The following TRAPPC11 variants were observed in gnomAD, a reference collection of about 807,000 sequenced individuals.
TRAPPC11 encodes trafficking protein particle complex subunit 11.
In TRAPPC11, 104 loss-of-function variants were observed where a neutral mutation model predicts 151.2. The observed-to-expected ratio is 0.69, with a 90% CI of 0.59 to 0.81. The LOEUF (loss-of-function observed/expected upper bound fraction) is 0.81, where lower values mean the gene tolerates loss of function less well. Ranked by LOEUF, TRAPPC11 falls within the 30% of genes least tolerant of loss-of-function variation. TRAPPC11 has a pLI of 0.00. For synonymous variants in TRAPPC11, 456 were observed against 472.3 expected (o/e 0.97, Z 0.45); for missense variants, 1,230 against 1,349.6 (o/e 0.91, Z 1.39).
intron 23 of TRAPPC11, among the ~76,000 whole-genome samples, chr4:183,695,632 G>T (rs190856334): frequency 6.6e-6 from 1 of 152,206 alleles, no homozygotes; most frequent in Admixed American, 6.5e-5. Context: ...TCTTGGTCCT[G>T]ACAGTAATGT....
chr4:183,704,785 T>C lies in TRAPPC11; in HGVS notation c.2964-194T>C, dbSNP rs576536429. ...CCGAGATCGCGCCACTGCACTCCAG[T>C]CTGGGCAACAGAGTGAGACTCTGTC... is the stretch of plus-strand genomic sequence containing the variant. On this transcript the variant is annotated intron_variant, in intron 26 of 29. Coordinates refer to ENST00000334690, the MANE Select transcript of TRAPPC11 (RefSeq NM_021942.6). Among the ~76,000 whole-genome samples, 367 of 152,060 alleles carry C rather than the reference T, an allele frequency of 2.4e-3. 1 individual carries two copies. The highest frequency in any genetic ancestry group is 8.3e-3 in the African/African-American group (345 of 41,476).
chr4:183,712,680 T>C lies in TRAPPC11; in HGVS notation c.*36T>C, dbSNP rs1260805118. 6.8e-6 allele frequency: 11 copies of C among 1,607,276 alleles called. No homozygotes were observed. Among genetic ancestry groups the C allele is most frequent in the Non-Finnish European group, 8.5e-6 (10 of 1,173,784 alleles). The stretch of plus-strand genomic sequence containing the variant: ...CGGCCCTTGGCTGTTGTTACAGAGA[T>C]GTTGGGCAGAGCTATGCAGGTGTTT... On this transcript the variant is annotated 3_prime_UTR_variant, in exon 30 of 30. Coordinates refer to ENST00000334690, the MANE Select transcript of TRAPPC11 (RefSeq NM_021942.6).
Position 183,682,900 on chromosome 4 carries a change from C to A in TRAPPC11, c.1207+75C>A. 3.2e-6 allele frequency: 3 copies of A among 948,036 alleles called. No homozygotes were observed. In the South Asian group the frequency reaches 4.3e-5, roughly 14 times the overall value. 58.7% of individuals were successfully genotyped at this position (948,036 alleles called of 1,614,324 possible). On this transcript the variant is annotated intron_variant, in intron 11 of 29. Transcript: ENST00000334690. Reference sequence around the variant, plus strand: ...ATAGCTATAATAGATTTTCCATTGGCTGCACATGCATAAGAAATTATGTTG... The same window carrying A: ...ATAGCTATAATAGATTTTCCATTGGATGCACATGCATAAGAAATTATGTTG...
At chr4:183,692,122 G>A (rs1736289126) in intron 19 of TRAPPC11, among the ~76,000 whole-genome samples, 1 of 152,110 alleles carries the variant, frequency 6.6e-6, no homozygotes, top group Non-Finnish European at 1.5e-5. Flanking sequence ...GTAAAATGGG[G>A]ATCATAAGAG....
At chr4:183,670,577 A>G (rs964686477) in intron 5 of TRAPPC11, among the ~76,000 whole-genome samples, 1 of 152,176 alleles carries the variant, frequency 6.6e-6, no homozygotes, top group African/African-American at 2.4e-5. Context: ...TATGCCAAAA[A>G]TGGCTCTGGA....
intron 5 of TRAPPC11, among the ~76,000 whole-genome samples, chr4:183,668,459 C>T (rs1734991810): frequency 6.6e-6 from 1 of 152,176 alleles, no homozygotes; most frequent in African/African-American, 2.4e-5. Context: ...TTAACATTAC[C>T]TCATTAACAT....
At chr4:183,691,493 A>C (rs776291319) in intron 19 of TRAPPC11, 22 bp downstream of exon 19, 1 of 1,363,940 alleles carries the variant, frequency 7.3e-7, no homozygotes, top group South Asian at 1.9e-5. Context: ...AATTTGTTTT[A>C]AAATATTTTT....
intron 2 of TRAPPC11, among the ~76,000 whole-genome samples, chr4:183,665,052 C>A: frequency 6.6e-6 from 1 of 151,570 alleles, no homozygotes; most frequent in Non-Finnish European, 1.5e-5. Context: ...GTAATAGCAT[C>A]CCAGCCCTGG....
rs193167119 is a variant in TRAPPC11, at chr4:183,702,186, A to G, written c.2963+378A>G. The stretch of plus-strand genomic sequence containing the variant: ...TGGTGAAACCCTGTCTCTACAAAAA[A>G]TACAAAAATTAGCTTGGCTTGTTGA... On this transcript the variant is annotated intron_variant, in intron 26 of 29. Transcript: ENST00000334690. Among the ~76,000 whole-genome samples, 658 of 152,224 alleles carry G rather than the reference A, an allele frequency of 4.3e-3. 2 individuals are homozygous for G. The highest frequency in any genetic ancestry group is 0.015 in the African/African-American group (615 of 41,540).
intron 14 of TRAPPC11, 95 bp from the exon 15 acceptor site, chr4:183,684,601 A>G (rs1386738167): frequency 7.4e-7 from 1 of 1,347,864 alleles, no homozygotes; most frequent in Admixed American, 2.2e-5. Flanking sequence ...ATTTTTCTAT[A>G]CTTACATAAA....
chr4:183,697,374 A>C, intron 23 of TRAPPC11, 129 bp from the exon 24 acceptor site: 1 of 846,170 alleles, frequency 1.2e-6, no homozygotes, highest in Non-Finnish European at 1.8e-6. Context: ...AATGTTATCT[A>C]AAAGGCCTTT....
At position 183,710,892 on chromosome 4, in the gene TRAPPC11, GGT is replaced by G. The variant is rs372685271; in HGVS notation, c.3358-1704_3358-1703del. 2.4e-3 allele frequency among the ~76,000 whole-genome samples: 361 copies of G among 151,728 alleles called. 1 individual carries two copies. Among genetic ancestry groups the G allele is most frequent in the African/African-American group, 8.3e-3 (343 of 41,396 alleles). On this transcript the variant is annotated intron_variant, in intron 29 of 29. Coordinates refer to ENST00000334690, the MANE Select transcript of TRAPPC11 (RefSeq NM_021942.6). The stretch of plus-strand genomic sequence containing the variant: ...AAAAACACAAAAATTAGCCGGGTGT[GGT>G]GTGGTGGGCGCCTGCAATCCCAGCT...
chr4:183,681,652 G>T (rs931534573), intron 10 of TRAPPC11, among the ~76,000 whole-genome samples: 1 of 151,824 alleles, frequency 6.6e-6, no homozygotes, highest in Non-Finnish European at 1.5e-5. Flanking sequence ...TGGTGGCGGG[G>T]GCCTGTAGTC....
intron 25 of TRAPPC11, among the ~76,000 whole-genome samples, chr4:183,700,696 A>G (rs984682996): frequency 1.2e-4 from 19 of 152,324 alleles, no homozygotes; most frequent in African/African-American, 4.3e-4. Flanking sequence ...CAGGCTGAGT[A>G]TCTCTTACCT....
chr4:183,672,270 A>G (rs1202996902), intron 5 of TRAPPC11, among the ~76,000 whole-genome samples: 3 of 152,212 alleles, frequency 2.0e-5, no homozygotes, highest in Admixed American at 2.0e-4. Flanking sequence ...TTTTGGACAG[A>G]GGAATGTCAT....
At chr4:183,710,765 A>C (rs1379443024) in intron 29 of TRAPPC11, among the ~76,000 whole-genome samples, 1 of 150,856 alleles carries the variant, frequency 6.6e-6, no homozygotes. Flanking sequence ...GTGGTGGCTC[A>C]CGCCTGTAAT....
At chr4:183,660,163 C>G (rs1384347920) in intron 1 of TRAPPC11, among the ~76,000 whole-genome samples, 1 of 152,236 alleles carries the variant, frequency 6.6e-6, no homozygotes, top group Non-Finnish European at 1.5e-5. Context: ...CATTCAAATT[C>G]CTTTGCTGCA....
At chr4:183,708,364 A>G (rs767598681) in intron 28 of TRAPPC11, 43 bp from the exon 29 acceptor site, 20 of 1,584,086 alleles carry the variant, frequency 1.3e-5, no homozygotes, top group East Asian at 2.2e-5. Context: ...TATTGCACAT[A>G]TGTGTATTTG....
chr4:183,679,497 C>A lies in TRAPPC11; in HGVS notation c.965+11C>A. The A allele has an allele frequency of 6.4e-7, 1 of 1,573,134 alleles. No homozygotes were observed. The highest frequency in any genetic ancestry group is 8.6e-7 in the Non-Finnish European group (1 of 1,160,926). ...ATGGATGTCTAAACAGTATGTTTTACATTGTCCTTTTAGAATTTTTTAAAA... is the reference window on the plus strand; with the variant it reads ...ATGGATGTCTAAACAGTATGTTTTAAATTGTCCTTTTAGAATTTTTTAAAA... On this transcript the variant is annotated intron_variant, in intron 9 of 29. Transcript: ENST00000334690.
Sources: gnomAD v4.1 joint callset for allele counts (sites outside exome capture counted in the v4.1 genomes callset) on GRCh38, gnomAD v4.1.1 for gene constraint, MANE v1.5 for transcripts, NCBI Gene and HGNC (gene_info 2026-07-23, HGNC 2026-07-21) for gene names.